NHSL3: variants seen among roughly 807,000 people sequenced by gnomAD.
NHSL3 encodes NHS-like protein 3.
At chr1:32,758,346 A>C in the NHSL3 span, among the ~76,000 whole-genome samples, 1 of 152,064 alleles carries the variant, frequency 6.6e-6, no homozygotes, top group Non-Finnish European at 1.5e-5. Context: ...CATTGTGCAC[A>C]TGGGGAGACT....
At chr1:32,766,573 C>A in the NHSL3 span, among the ~76,000 whole-genome samples, 8 of 152,076 alleles carry the variant, frequency 5.3e-5, no homozygotes, top group African/African-American at 1.9e-4. Flanking sequence ...TGTGGGATTC[C>A]TGCAGACTCC....
the NHSL3 span, among the ~76,000 whole-genome samples, chr1:32,743,269 T>TG: frequency 6.6e-6 from 1 of 152,204 alleles, no homozygotes; most frequent in Admixed American, 6.5e-5. Context: ...ACCCTCCCAG[T>TG]GTCCTTTAAC....
chr1:32,747,443 G>A, the NHSL3 span, among the ~76,000 whole-genome samples: 1 of 152,232 alleles, frequency 6.6e-6, no homozygotes, highest in African/African-American at 2.4e-5. Flanking sequence ...AAAGTGCTGG[G>A]ATTACAGGCG....
the NHSL3 span, chr1:32,772,954 C>T: frequency 6.6e-7 from 1 of 1,513,886 alleles, no homozygotes; most frequent in South Asian, 1.1e-5. Flanking sequence ...CCGAGCAGCT[C>T]CAAGGACGAG....
At chr1:32,765,643 C>G in the NHSL3 span, 5 of 1,531,120 alleles carry the variant, frequency 3.3e-6, no homozygotes, top group Non-Finnish European at 3.5e-6. Context: ...TGTCTGGAGC[C>G]GGTGCTCTGC....
the NHSL3 span, chr1:32,771,978 G>T: frequency 1.2e-6 from 2 of 1,606,200 alleles, no homozygotes; most frequent in African/African-American, 2.7e-5. Context: ...TCCATGCTGC[G>T]GTCCGACTCA....
chr1:32,770,130 G>A, the NHSL3 span: 1 of 1,567,942 alleles, frequency 6.4e-7, no homozygotes, highest in African/African-American at 1.4e-5. This position sits in a 1 kb window ranked among gnomAD's most constrained non-coding sequence, Gnocchi z 8.3. Flanking sequence ...CCCCACCATT[G>A]ACCCGGCCCA....
the NHSL3 span, among the ~76,000 whole-genome samples, chr1:32,748,409 TG>T: frequency 4.6e-5 from 7 of 152,110 alleles, no homozygotes; most frequent in Admixed American, 4.6e-4. Flanking sequence ...TCTGGGGTCG[TG>T]GGCGCCTTGC....
the NHSL3 span, chr1:32,770,696 C>A: frequency 2.6e-6 from 4 of 1,540,540 alleles, no homozygotes; most frequent in Non-Finnish European, 3.5e-6. The surrounding 1 kb of genome is among the most constrained non-coding windows in gnomAD (Gnocchi z 8.3). Context: ...CGGACCCACT[C>A]CCTCCATCAG....
the NHSL3 span, among the ~76,000 whole-genome samples, chr1:32,742,406 C>CCCCCGGCTGGGGCAGGGAT: frequency 6.6e-6 from 1 of 152,198 alleles, no homozygotes; most frequent in Non-Finnish European, 1.5e-5. Flanking sequence ...GGGGAGGGGA[C>CCCCCGGCTGGGGCAGGGAT]CCCCGGCTGG....
the NHSL3 span, chr1:32,741,956 T>G: frequency 9.7e-7 from 1 of 1,029,666 alleles, no homozygotes; most frequent in Non-Finnish European, 1.2e-6. This position sits in a 1 kb window ranked among gnomAD's most constrained non-coding sequence, Gnocchi z 4.3. Flanking sequence ...CCGCCTGCCA[T>G]GGCGGCCCGC....
the NHSL3 span, chr1:32,771,896 C>T: frequency 9.4e-6 from 15 of 1,587,608 alleles, no homozygotes; most frequent in African/African-American, 1.3e-5. Context: ...CTGGGGCCAT[C>T]GGCCCCCCAG....
chr1:32,743,565 G>A, the NHSL3 span, among the ~76,000 whole-genome samples: 4 of 152,206 alleles, frequency 2.6e-5, no homozygotes, highest in African/African-American at 4.8e-5. Flanking sequence ...AGTCATCCCC[G>A]TCTCATTCAA....
At chr1:32,762,849 A>G in the NHSL3 span, among the ~76,000 whole-genome samples, 4 of 152,096 alleles carry the variant, frequency 2.6e-5, no homozygotes, top group East Asian at 3.9e-4. Context: ...TGGCCTCCCA[A>G]AGTGCTGGGA....
At chr1:32,749,298 T>C in the NHSL3 span, among the ~76,000 whole-genome samples, 1 of 152,184 alleles carries the variant, frequency 6.6e-6, no homozygotes. Context: ...CAGGGATTGC[T>C]GTACCTCACT....
the NHSL3 span, among the ~76,000 whole-genome samples, chr1:32,755,114 C>T: frequency 6.6e-6 from 1 of 152,178 alleles, no homozygotes; most frequent in African/African-American, 2.4e-5. Flanking sequence ...TCCTGTTTCC[C>T]CCAACAAGTG....
chr1:32,754,257 C>A, the NHSL3 span: 1 of 666,826 alleles, frequency 1.5e-6, no homozygotes, highest in Non-Finnish European at 2.8e-6. Flanking sequence ...GCTGCCCCCT[C>A]CCGGGGCTTG....
the NHSL3 span, chr1:32,769,770 T>A: frequency 3.1e-4 from 506 of 1,613,520 alleles, no homozygotes; most frequent in Non-Finnish European, 3.9e-4. Context: ...TCCCGCAGCA[T>A]GTGCAGAAGG....
At chr1:32,753,490 T>TA in the NHSL3 span, among the ~76,000 whole-genome samples, 474 of 150,462 alleles carry the variant, frequency 3.2e-3, 2 homozygotes, top group South Asian at 0.026. Flanking sequence ...CTCAAAAAAA[T>TA]AAAAAAAATA....
Sources: gnomAD v4.1 joint callset for allele counts (sites outside exome capture counted in the v4.1 genomes callset) on GRCh38, gnomAD v4.1.1 for gene constraint, Gnocchi (gnomAD v3.1) non-coding constraint, MANE v1.5 for transcripts, NCBI Gene and HGNC (gene_info 2026-07-23, HGNC 2026-07-21) for gene names.